MIF4GD: variants seen among roughly 807,000 people sequenced by gnomAD.
The protein encoded by MIF4GD is MIF4G domain-containing protein.
In MIF4GD, 22 loss-of-function variants were observed where a neutral mutation model predicts 26.7. The observed-to-expected ratio is 0.82, with a 90% CI of 0.59 to 1.18. The LOEUF (loss-of-function observed/expected upper bound fraction) is 1.18. MIF4GD is among the 50% of genes most tolerant of loss of function. MIF4GD has a pLI of 0.00. For synonymous variants in MIF4GD, 137 were observed against 111.6 expected, an observed-to-expected ratio of 1.23 and a Z score of -1.43; for missense variants, 262 against 279.6, an observed-to-expected ratio of 0.94 and a Z score of 0.45.
chr17:75,270,332 C>T lies in MIF4GD; in HGVS notation c.-50-87G>A. The T allele has an allele frequency of 1.3e-6, 1 of 742,852 alleles. No homozygotes were observed. Among genetic ancestry groups the T allele is most frequent in the Admixed American group, 2.2e-5 (1 of 45,988 alleles). 46.0% of individuals were successfully genotyped at this position (742,852 alleles called of 1,614,324 possible). On this transcript the variant is annotated intron_variant, in intron 1 of 5. Transcript: ENST00000325102. This position sits in a 1 kb window ranked among gnomAD's most constrained non-coding sequence, Gnocchi z 5.7. Reference sequence around the variant, plus strand: ...CAGGCCCTGGACGGGGCTGACGGCGCGCTCGGGACAGGGACTCCTGGGCGG... The same window carrying T: ...CAGGCCCTGGACGGGGCTGACGGCGTGCTCGGGACAGGGACTCCTGGGCGG...
In MIF4GD at chr17:75,270,060, AG is replaced by A; in HGVS notation, c.82+53del. The stretch of plus-strand genomic sequence containing the variant: ...AGGCTCAGCCTCTGGTGCTGCCCAC[AG>A]GGGCCCTTCTCTGTAGCTCCTGACC... On this transcript the variant is annotated intron_variant, in intron 2 of 5. Coordinates refer to ENST00000325102, the MANE Select transcript of MIF4GD (RefSeq NM_001370592.1). This position sits in a 1 kb window ranked among gnomAD's most constrained non-coding sequence, Gnocchi z 5.7. 1 of 1,505,870 alleles carries A rather than the reference AG, an allele frequency of 6.6e-7. No individual in the cohort carries two copies. The highest frequency in any genetic ancestry group is 9.2e-7 in the Non-Finnish European group (1 of 1,083,098). 93.3% of individuals were successfully genotyped at this position (1,505,870 alleles called of 1,614,324 possible).
intron 3 of MIF4GD, 57 bp downstream of exon 3, chr17:75,268,026 G>A (rs1227640313): frequency 3.7e-5 from 59 of 1,604,838 alleles, no homozygotes; most frequent in African/African-American, 8.0e-5. Flanking sequence ...CAGGCCTTCT[G>A]CCCACTCCTG....
rs966824491 is a variant in MIF4GD, at chr17:75,271,226, C to G, written c.-133G>C. On this transcript the variant is annotated 5_prime_UTR_variant, in exon 1 of 6. Coordinates refer to ENST00000325102, the MANE Select transcript of MIF4GD (RefSeq NM_001370592.1). This position sits in a 1 kb window ranked among gnomAD's most constrained non-coding sequence, Gnocchi z 4.2. ...AACCAGCGTCCGGCGCTGCGGGGCCCGCCGTGAGCTCATCTCCTCGCGCGG... is the reference window on the plus strand; with the variant it reads ...AACCAGCGTCCGGCGCTGCGGGGCCGGCCGTGAGCTCATCTCCTCGCGCGG... 1.3e-5 allele frequency: 2 copies of G among 150,272 alleles called. No individual in the cohort carries two copies. Among genetic ancestry groups the G allele is most frequent in the African/African-American group, 4.9e-5 (2 of 41,216 alleles). The allele number at this position is 150,272 out of a possible 1,614,324, so 9.3% of individuals were successfully genotyped here.
chr17:75,267,822 TCCCGAG>T lies in MIF4GD; in HGVS notation c.266_271del (p.Ala89_Arg90del), dbSNP rs1351995243. 2.5e-6 allele frequency: 4 copies of T among 1,613,990 alleles called. No homozygotes were observed. In the Admixed American group the frequency reaches 6.7e-5, roughly 27 times the overall value. On this transcript the variant is annotated inframe_deletion, in exon 4 of 6. Coordinates refer to ENST00000325102, the MANE Select transcript of MIF4GD (RefSeq NM_001370592.1). The stretch of plus-strand genomic sequence containing the variant: ...CTGCAGGGAGCGTGCTCGCAGCTGC[TCCCGAG>T]CCTGGTACTCCTGCTGCAGCCGGTT...
rs2077685327 is a variant in MIF4GD at position 75,270,289 on chromosome 17, A to G, written c.-50-44T>C. On this transcript the variant is annotated intron_variant, in intron 1 of 5. Coordinates refer to ENST00000325102, the MANE Select transcript of MIF4GD (RefSeq NM_001370592.1). The surrounding 1 kb of genome is among the most constrained non-coding windows in gnomAD (Gnocchi z 5.7). ...GGGAGCGGCCTCAGGTGTGGAGCGC[A>G]GGGCGGGTTCCGTCCTGCAGGCCCT... is the stretch of plus-strand genomic sequence containing the variant. 5.2e-6 allele frequency: 6 copies of G among 1,161,754 alleles called. No individual in the cohort carries two copies. Among genetic ancestry groups the G allele is most frequent in the Non-Finnish European group, 7.7e-6 (6 of 778,360 alleles). The allele number at this position is 1,161,754 out of a possible 1,614,324, so 72.0% of individuals were successfully genotyped here. A position where few individuals can be genotyped will look rare whatever the true frequency, so the allele number is the denominator to read the frequency against.
At chr17:75,269,393 A>G (rs1161111595) in intron 2 of MIF4GD, 2 of 1,614,048 alleles carry the variant, frequency 1.2e-6, no homozygotes, top group South Asian at 1.1e-5. Flanking sequence ...GAGAGCAATT[A>G]CTATAGCTCC....
intron 5 of MIF4GD, 150 bp downstream of exon 5, chr17:75,267,388 A>T: frequency 1.4e-6 from 1 of 733,252 alleles, no homozygotes; most frequent in Non-Finnish European, 2.3e-6. Context: ...AGCTTGTCCT[A>T]TAACTGACAG....
chr17:75,267,876 C>T lies in MIF4GD; in HGVS notation c.218G>A (p.Ser73Asn), dbSNP rs763216203. The T allele has an allele frequency of 8.1e-6, 13 of 1,613,086 alleles. No individual in the cohort carries two copies. The Admixed American group carries it at 1.7e-4, about 21-fold the overall frequency. The change falls in exon 4 of 6, where the codon AGT becomes AAT. Residue 73 changes from serine to asparagine, a missense_variant. By Grantham distance (46) the Ser-to-Asn change is conservative. Coordinates refer to ENST00000325102, the MANE Select transcript of MIF4GD (RefSeq NM_001370592.1). ...GTTGAGGAGTCCACGTCGGAAGACA[C>T]TCTGGCCTGCTTGTTTACTCTCTGC... ...IQAESKQAGQ[S>N]VFRRGLLNRL...
intron 2 of MIF4GD, among the ~76,000 whole-genome samples, chr17:75,269,628 T>C (rs1428149631): frequency 7.1e-6 from 1 of 141,634 alleles, no homozygotes; most frequent in African/African-American, 2.6e-5. Context: ...GGCAGGATCA[T>C]GGCTCATGGC....
Position 75,270,819 on chromosome 17 carries a change from C to T in MIF4GD, c.-51+325G>A, listed in dbSNP as rs945168483. ...CCCCTGCCGGGAGCAGCCTGAACTC[C>T]CCAGACCCGTGCCAGCTTCTCCCTG... On this transcript the variant is annotated intron_variant, in intron 1 of 5. Coordinates refer to ENST00000325102, the MANE Select transcript of MIF4GD (RefSeq NM_001370592.1). The surrounding 1 kb of genome is among the most constrained non-coding windows in gnomAD (Gnocchi z 5.7). 6.5e-6 allele frequency: 1 copy of T among 153,556 alleles called. No homozygotes were observed. The highest frequency in any genetic ancestry group is 1.4e-5 in the Non-Finnish European group (1 of 68,974). The allele number at this position is 153,556 out of a possible 1,614,324, so 9.5% of individuals were successfully genotyped here. A position where few individuals can be genotyped will look rare whatever the true frequency, so the allele number is the denominator to read the frequency against.
Position 75,270,507 on chromosome 17 carries a change from C to A in MIF4GD, c.-50-262G>T. 3.0e-6 allele frequency: 1 copy of A among 332,390 alleles called. No homozygotes were observed. The highest frequency in any genetic ancestry group is 5.7e-6 in the Non-Finnish European group (1 of 173,960). The allele number at this position is 332,390 out of a possible 1,614,324, so 20.6% of individuals were successfully genotyped here. A position where few individuals can be genotyped will look rare whatever the true frequency, so the allele number is the denominator to read the frequency against. On this transcript the variant is annotated intron_variant, in intron 1 of 5. Coordinates refer to ENST00000325102, the MANE Select transcript of MIF4GD (RefSeq NM_001370592.1). This position sits in a 1 kb window ranked among gnomAD's most constrained non-coding sequence, Gnocchi z 5.7. ...AAGCTGAAGCAGGAAAGCGCCCACC[C>A]TCCAGTCCCAGCAGGAGGCAGGAGT...
chr17:75,267,235 C>G (rs1055331490), intron 5 of MIF4GD, among the ~76,000 whole-genome samples: 11 of 152,142 alleles, frequency 7.2e-5, no homozygotes, highest in Non-Finnish European at 1.0e-4. Context: ...CTGCCTGACC[C>G]TGGTTTGGCT....
Position 75,266,567 on chromosome 17 carries a change from C to A in MIF4GD, c.*173G>T. ...TTGTGGTGGGGAAAGGGGCTCAGGG[C>A]AGGACCACGGCATAAGTGGGAAACA... is the stretch of plus-strand genomic sequence containing the variant. On this transcript the variant is annotated 3_prime_UTR_variant, in exon 6 of 6. Transcript: ENST00000325102. 1 of 675,520 alleles carries A rather than the reference C, an allele frequency of 1.5e-6. No homozygotes were observed. The highest frequency in any genetic ancestry group is 1.8e-5 in the South Asian group (1 of 54,758). 41.8% of individuals were successfully genotyped at this position (675,520 alleles called of 1,614,324 possible).
At chr17:75,268,311 T>C in intron 2 of MIF4GD, 119 bp from the exon 3 acceptor site, 1 of 762,270 alleles carries the variant, frequency 1.3e-6, no homozygotes, top group Non-Finnish European at 2.3e-6. Flanking sequence ...GTGAAAGAGA[T>C]CAGAAATCAT....
Position 75,266,909 on chromosome 17 carries a change from CCATT to C in MIF4GD, c.496_499del (p.Asn166GlyfsTer10). On this transcript the variant is annotated frameshift_variant, in exon 6 of 6. Transcript: ENST00000325102. LOFTEE classifies it high-confidence loss of function. Reference sequence around the variant, plus strand: ...CACAAAGAGCTCATCCATGCGCTGCCCATTCATTTTCTCCAGCTGCTCCCCAACC... The same window carrying C: ...CACAAAGAGCTCATCCATGCGCTGCCCATTTTCTCCAGCTGCTCCCCAACC... The C allele has an allele frequency of 6.2e-7, 1 of 1,614,128 alleles. No homozygotes were observed. The highest frequency in any genetic ancestry group is 8.5e-7 in the Non-Finnish European group (1 of 1,180,046).
At chr17:75,268,285 C>T in intron 2 of MIF4GD, 93 bp from the exon 3 acceptor site, 1 of 925,884 alleles carries the variant, frequency 1.1e-6, no homozygotes, top group Middle Eastern at 2.1e-4. Context: ...TACAGTAGAG[C>T]ACTCATATGC....
chr17:75,271,004 A>T lies in MIF4GD; in HGVS notation c.-51+140T>A, dbSNP rs1397598991. The T allele has an allele frequency of 6.6e-6, 1 of 152,090 alleles. No individual in the cohort carries two copies. The highest frequency in any genetic ancestry group is 1.5e-5 in the Non-Finnish European group (1 of 68,004). 9.4% of individuals were successfully genotyped at this position (152,090 alleles called of 1,614,324 possible). ...CCGCCGGAGGCTCCCCTCTGGCCGT[A>T]GGAGGCGCCTTTAGGGTCTCCAGCC... On this transcript the variant is annotated intron_variant, in intron 1 of 5. Transcript: ENST00000325102. This position sits in a 1 kb window ranked among gnomAD's most constrained non-coding sequence, Gnocchi z 4.2.
chr17:75,267,068 A>C, intron 5 of MIF4GD, 101 bp from the exon 6 acceptor site: 1 of 963,622 alleles, frequency 1.0e-6, no homozygotes, highest in Non-Finnish European at 1.6e-6. Context: ...CTTTACACTC[A>C]TTCCCTTGCT....
rs1284078548 is a variant in MIF4GD, at chr17:75,266,776, A to AGCTG, written c.629_632dup (p.Ala212SerfsTer55). On this transcript the variant is annotated frameshift_variant, in exon 6 of 6. Transcript: ENST00000325102. LOFTEE classifies it high-confidence loss of function. ...CTTCGCTGTAGTAATACTTGTGGGC[A>AGCTG]GCTGGCGTTGTCTTCCAGCCGGCCG... The AGCTG allele has an allele frequency of 4.3e-6, 7 of 1,614,212 alleles. No individual in the cohort carries two copies. The highest frequency in any genetic ancestry group is 5.1e-6 in the Non-Finnish European group (6 of 1,180,036).
Sources: allele counts gnomAD v4.1 joint callset (sites outside exome capture counted in the v4.1 genomes callset), GRCh38; gene constraint gnomAD v4.1.1; non-coding constraint Gnocchi (gnomAD v3.1); transcripts MANE v1.5; gene names NCBI Gene and HGNC (gene_info 2026-07-23, HGNC 2026-07-21).